Variants in TTC27 observed in about 807,000 individuals in gnomAD.
TTC27 encodes the protein tetratricopeptide repeat domain 27.
A neutral mutation model predicts 115.9 loss-of-function variants in TTC27; 79 were observed. That is an observed-to-expected ratio of 0.68 (90% confidence interval 0.57 to 0.82). The LOEUF is 0.82. Among genes scored for constraint, TTC27 ranks in the 40% least tolerant of loss-of-function variants. The pLI, the probability that TTC27 is intolerant of heterozygous loss-of-function variation, is 0.00. For synonymous variants in TTC27, 401 were observed against 356.0 expected, an observed-to-expected ratio of 1.13 and a Z score of -1.42; for missense variants, 1,054 against 993.1, an observed-to-expected ratio of 1.06 and a Z score of -0.82.
chr2:32,740,723 T>G (rs953189364), intron 12 of TTC27, among the ~76,000 whole-genome samples: 3 of 152,138 alleles, frequency 2.0e-5, no homozygotes, highest in Non-Finnish European at 4.4e-5. Context: ...GGCACGATCT[T>G]AGCTCACTGC....
At chr2:32,632,270 A>G (rs1664249152) in intron 2 of TTC27, among the ~76,000 whole-genome samples, 3 of 150,676 alleles carry the variant, frequency 2.0e-5, no homozygotes. Context: ...CTGCCTCACT[A>G]AGTGTGGGGA....
chr2:32,660,325 T>A (rs1244841685), intron 5 of TTC27, among the ~76,000 whole-genome samples: 1 of 152,192 alleles, frequency 6.6e-6, no homozygotes, highest in African/African-American at 2.4e-5. Flanking sequence ...TGTTGAGAAA[T>A]GTCTGCTCAT....
chr2:32,808,616 A>G (rs1283313340), intron 16 of TTC27, among the ~76,000 whole-genome samples: 1 of 152,082 alleles, frequency 6.6e-6, no homozygotes, highest in African/African-American at 2.4e-5. Context: ...ACACACATAC[A>G]CAGAGGAGGC....
At position 32,633,793 on chromosome 2, in the gene TTC27, A is replaced by G; in HGVS notation, c.267-83A>G. The G allele has an allele frequency of 3.5e-6, 5 of 1,439,592 alleles. No homozygotes were observed. In the Middle Eastern group the frequency reaches 7.2e-4, roughly 208 times the overall value. 89.2% of individuals were successfully genotyped at this position (1,439,592 alleles called of 1,614,324 possible). On this transcript the variant is annotated intron_variant, in intron 2 of 19. Transcript: ENST00000317907. ...AATGTTGATAGATATTATTTTCTTA[A>G]TAAAACTGAAATGGAATAGTGTGTT...
chr2:32,788,333 C>CA (rs1670416201), intron 16 of TTC27, among the ~76,000 whole-genome samples: 1 of 151,988 alleles, frequency 6.6e-6, no homozygotes, highest in Non-Finnish European at 1.5e-5. Context: ...ACTGTCAGAG[C>CA]AAAAAGGGAC....
chr2:32,652,031 C>G (rs372453024), intron 5 of TTC27, among the ~76,000 whole-genome samples: 1 of 152,096 alleles, frequency 6.6e-6, no homozygotes, highest in African/African-American at 2.4e-5. Context: ...GGTTCTGGAA[C>G]CTGACCCTCT....
intron 12 of TTC27, among the ~76,000 whole-genome samples, chr2:32,750,451 A>G (rs976002333): frequency 6.6e-6 from 1 of 152,224 alleles, no homozygotes; most frequent in African/African-American, 2.4e-5. Context: ...AGGTTCTCCT[A>G]TGATGAACTC....
In TTC27 at chr2:32,786,973, A is replaced by T. The variant is rs748798783; in HGVS notation, c.1833-11A>T. 1 of 1,595,886 alleles carries T rather than the reference A, an allele frequency of 6.3e-7. No individual in the cohort carries two copies. Among genetic ancestry groups the T allele is most frequent in the Non-Finnish European group, 8.5e-7 (1 of 1,175,138 alleles). Reference sequence around the variant, plus strand: ...TCATTATTGCTCTCTTTAAAATTTGACCTTCAATAGAGTAAAAGCTTTTAG... The same window carrying T: ...TCATTATTGCTCTCTTTAAAATTTGTCCTTCAATAGAGTAAAAGCTTTTAG... On this transcript the variant is annotated splice_polypyrimidine_tract_variant and intron_variant, in intron 15 of 19. Transcript: ENST00000317907.
chr2:32,748,194 A>C (rs1668892705), intron 12 of TTC27, among the ~76,000 whole-genome samples: 1 of 151,840 alleles, frequency 6.6e-6, no homozygotes, highest in Non-Finnish European at 1.5e-5. Flanking sequence ...ATTTTGTTGT[A>C]ATTTCTTCAT....
At chr2:32,798,664 C>T (rs1160462811) in intron 16 of TTC27, among the ~76,000 whole-genome samples, 5 of 148,486 alleles carry the variant, frequency 3.4e-5, no homozygotes, top group Non-Finnish European at 7.4e-5. Context: ...AAGATTGCAC[C>T]ACTGCACTCC....
At chr2:32,636,458 C>T (rs991275003) in intron 3 of TTC27, among the ~76,000 whole-genome samples, 2 of 152,196 alleles carry the variant, frequency 1.3e-5, no homozygotes, top group African/African-American at 4.8e-5. Flanking sequence ...AGGTGATCCA[C>T]CCGCCTCGGC....
intron 13 of TTC27, among the ~76,000 whole-genome samples, chr2:32,776,349 G>C (rs945960922): frequency 1.3e-5 from 2 of 152,196 alleles, no homozygotes; most frequent in Admixed American, 6.5e-5. Context: ...GGCTGAAGGA[G>C]GAGTGATGTA....
chr2:32,820,199 T>A (rs545780332), intron 19 of TTC27, among the ~76,000 whole-genome samples: 27 of 152,356 alleles, frequency 1.8e-4, no homozygotes, highest in African/African-American at 6.3e-4. Context: ...AATCCTGAAG[T>A]TGATTTTCTT....
chr2:32,758,419 C>T lies in TTC27; in HGVS notation c.1580C>T (p.Ala527Val), dbSNP rs773036621. ...TGGGAGTTGTCCCGGTACCGCAGTG[C>T]TCGTGCTCAGCGCTCCAAAGCCCTC... Reference protein sequence around the residue: ...KAWELSRYRSARAQRSKALLH... With the variant: ...KAWELSRYRSVRAQRSKALLH... The change falls in exon 13 of 20, where the codon GCT becomes GTT. Residue 527 changes from alanine to valine, a missense_variant. Transcript: ENST00000317907. The T allele has an allele frequency of 9.9e-6, 16 of 1,614,096 alleles. No homozygotes were observed. In the South Asian group the frequency reaches 1.6e-4, roughly 17 times the overall value.
At chr2:32,703,918 G>A (rs1667276034) in intron 10 of TTC27, among the ~76,000 whole-genome samples, 1 of 152,200 alleles carries the variant, frequency 6.6e-6, no homozygotes, top group Non-Finnish European at 1.5e-5. Flanking sequence ...TAAGATCAAG[G>A]TGCTGGCAGA....
At chr2:32,713,033 G>T (rs909256136) in intron 10 of TTC27, among the ~76,000 whole-genome samples, 3 of 152,136 alleles carry the variant, frequency 2.0e-5, no homozygotes, top group African/African-American at 4.8e-5. Context: ...CAGGGGTTAG[G>T]TTCCTGATAA....
At chr2:32,797,171 C>G (rs1193854630) in intron 16 of TTC27, among the ~76,000 whole-genome samples, 2 of 94,692 alleles carry the variant, frequency 2.1e-5, no homozygotes, top group Non-Finnish European at 3.9e-5. Flanking sequence ...GAAACTCTGT[C>G]TCAAAAAAAA....
chr2:32,810,155 GA>G (rs1671270289), intron 16 of TTC27, among the ~76,000 whole-genome samples: 1 of 151,848 alleles, frequency 6.6e-6, no homozygotes, highest in African/African-American at 2.4e-5. Context: ...GAGGTAGTTG[GA>G]AAGAGAAGAG....
At chr2:32,738,665 T>G (rs1668527761) in intron 12 of TTC27, among the ~76,000 whole-genome samples, 1 of 152,170 alleles carries the variant, frequency 6.6e-6, no homozygotes, top group African/African-American at 2.4e-5. Context: ...TCATTATGAT[T>G]TGGCACTGAA....
Sources: gnomAD v4.1 joint callset for allele counts (sites outside exome capture counted in the v4.1 genomes callset) on GRCh38, gnomAD v4.1.1 for gene constraint, MANE v1.5 for transcripts, NCBI Gene and HGNC (gene_info 2026-07-23, HGNC 2026-07-21) for gene names.